The following TLR1 variants were observed in gnomAD, a reference collection of about 807,000 sequenced individuals.
TLR1 encodes toll-like receptor 1.
In TLR1, 19 loss-of-function variants were observed where a neutral mutation model predicts 20.2. The ratio of observed to expected loss-of-function variants is 0.94; its 90% CI spans 0.66 to 1.38. The LOEUF (loss-of-function observed/expected upper bound fraction) is 1.38. TLR1 is among the 40% of genes most tolerant of loss of function. The pLI, the probability that TLR1 is intolerant of heterozygous loss-of-function variation, is 0.00. For synonymous variants in TLR1, 320 were observed against 334.5 expected (o/e 0.96, Z 0.47); for missense variants, 921 against 910.0 (o/e 1.01, Z -0.16).
At chr4:38,788,070 T>C (rs1725646503), downstream of TLR1, among the ~76,000 whole-genome samples, 2 of 152,246 alleles carry the variant, frequency 1.3e-5, no homozygotes, top group South Asian at 2.1e-4. Flanking sequence ...AAGGAATATG[T>C]GTATCTATTA....
In TLR1 at chr4:38,798,721, G is replaced by C. The variant is rs760321849; in HGVS notation, c.111C>G (p.Ile37Met). Residue 37 changes from isoleucine to methionine, a missense_variant, in exon 4 of 4, where the codon ATC becomes ATG. Physicochemically the swap from Ile to Met is conservative, Grantham distance 10. Transcript: ENST00000308979. ...TCTGGGATAGGTCTTTAGGAACGTG[G>C]ATGAGACCGTTTTTTGACCTATCAA... ...FLVDRSKNGL[I>M]HVPKDLSQKT... 8 of 1,613,598 alleles carry C rather than the reference G, an allele frequency of 5.0e-6. No homozygotes were observed. The highest frequency in any genetic ancestry group is 5.9e-6 in the Non-Finnish European group (7 of 1,179,934).
In TLR1 at chr4:38,798,660, A is replaced by ATATATAATTT; in HGVS notation, c.162_171dup (p.Ser58LysfsTer5). On this transcript the variant is annotated frameshift_variant, in exon 4 of 4. Coordinates refer to ENST00000308979, the MANE Select transcript of TLR1 (RefSeq NM_003263.4). LOFTEE classifies it low-confidence loss of function (END_TRUNC). ...AAGATGTCAGAAGTCCAAAGCTCAG[A>ATATATAATTT]TATATAATTTTGCGATATATTTAAG... is the stretch of plus-strand genomic sequence containing the variant. The ATATATAATTT allele has an allele frequency of 6.2e-7, 1 of 1,614,010 alleles. No individual in the cohort carries two copies. The highest frequency in any genetic ancestry group is 8.5e-7 in the Non-Finnish European group (1 of 1,179,918).
rs548153089 is a variant in TLR1, at chr4:38,798,966, G to C, written c.-67-68C>G. 6.1e-6 allele frequency: 5 copies of C among 816,660 alleles called. No individual in the cohort carries two copies. In the African/African-American group the frequency reaches 8.8e-5, roughly 14 times the overall value. 50.6% of individuals were successfully genotyped at this position (816,660 alleles called of 1,614,324 possible). ...TTTTAAAATACACGAAATTAGTCAT[G>C]GCTGACATTAAACTTTTTTTTGTTA... On this transcript the variant is annotated intron_variant, in intron 3 of 3. Transcript: ENST00000308979.
chr4:38,801,558 C>T (rs1476483431), intron 2 of TLR1, among the ~76,000 whole-genome samples: 2 of 152,164 alleles, frequency 1.3e-5, no homozygotes, highest in Non-Finnish European at 2.9e-5. Flanking sequence ...CCTGCTTATT[C>T]CTATGCCTGA....
At chr4:38,790,042 T>C (rs1446203688), downstream of TLR1, among the ~76,000 whole-genome samples, 1 of 152,236 alleles carries the variant, frequency 6.6e-6, no homozygotes, top group East Asian at 1.9e-4. Context: ...AAATGTAATA[T>C]AATGAAATCT....
intron 2 of TLR1, 59 bp downstream of exon 2, chr4:38,804,247 C>A (rs1414225198): frequency 6.6e-6 from 1 of 152,180 alleles, no homozygotes; most frequent in Non-Finnish European, 1.5e-5. Context: ...GTGTTAGTGG[C>A]CTGAGAAACA....
intron 2 of TLR1, among the ~76,000 whole-genome samples, chr4:38,803,131 G>A (rs759722678): frequency 2.0e-5 from 3 of 152,194 alleles, no homozygotes; most frequent in Admixed American, 6.5e-5. Context: ...AGGACAAGGC[G>A]GACAGTCTGA....
chr4:38,796,598 T>C lies in TLR1; in HGVS notation c.2234A>G (p.Lys745Arg). 1 of 1,614,190 alleles carries C rather than the reference T, an allele frequency of 6.2e-7. No homozygotes were observed. The highest frequency in any genetic ancestry group is 2.2e-5 in the East Asian group (1 of 44,886). The change falls in exon 4 of 4, where the codon AAG (lysine) becomes AGG (arginine). Residue 745 changes from lysine to arginine, a missense_variant. Transcript: ENST00000308979. ...PQYSIPSSYHKLKSLMARRTY... is the reference protein window; with the variant it reads ...PQYSIPSSYHRLKSLMARRTY... The stretch of plus-strand genomic sequence containing the variant: ...CCTCCTGGCCATGAGACTTTTGAGC[T>C]TGTGATAACTGCTAGGAATGGAGTA...
At chr4:38,794,975 G>A (rs906824639), downstream of TLR1, among the ~76,000 whole-genome samples, 7 of 152,124 alleles carry the variant, frequency 4.6e-5, no homozygotes, top group African/African-American at 1.7e-4. Context: ...AGCGATCTCA[G>A]GACTCAAGAG....
At chr4:38,800,232 G>A (rs550255366) in intron 3 of TLR1, among the ~76,000 whole-genome samples, 4 of 152,236 alleles carry the variant, frequency 2.6e-5, no homozygotes, top group South Asian at 2.1e-4. Flanking sequence ...GAGAAGGAAC[G>A]GGAAGGTCAA....
chr4:38,794,798 T>G (rs1400635896), downstream of TLR1, among the ~76,000 whole-genome samples: 1 of 152,196 alleles, frequency 6.6e-6, no homozygotes, highest in African/African-American at 2.4e-5. Flanking sequence ...GCCAAGAAGC[T>G]AATAGATATG....
At chr4:38,801,912 C>G (rs1223503177) in intron 2 of TLR1, among the ~76,000 whole-genome samples, 1 of 152,176 alleles carries the variant, frequency 6.6e-6, no homozygotes, top group African/African-American at 2.4e-5. Context: ...AACAGTCTCT[C>G]TAAGCCGGGG....
chr4:38,796,905 A>C lies in TLR1; in HGVS notation c.1927T>G (p.Tyr643Asp). Residue 643 changes from tyrosine to aspartate, a missense_variant, in exon 4 of 4, where the codon TAT (tyrosine) becomes GAT (aspartate). Coordinates refer to ENST00000308979, the MANE Select transcript of TLR1 (RefSeq NM_003263.4). The stretch of plus-strand genomic sequence containing the variant: ...ACCCAGAAAGAATCGTGCCCACTAT[A>C]TGAAATAAATGCATGAAACTGGAGA... Reference protein sequence around the residue: ...RNLQFHAFISYSGHDSFWVKN... With the variant: ...RNLQFHAFISDSGHDSFWVKN... The C allele has an allele frequency of 6.2e-7, 1 of 1,614,214 alleles. No individual in the cohort carries two copies. Among genetic ancestry groups the C allele is most frequent in the Non-Finnish European group, 8.5e-7 (1 of 1,180,050 alleles).
chr4:38,788,251 A>G (rs906972825), downstream of TLR1, among the ~76,000 whole-genome samples: 4 of 152,204 alleles, frequency 2.6e-5, no homozygotes, highest in African/African-American at 7.2e-5. Flanking sequence ...AAGGCAAAGA[A>G]CAAGAGAGAA....
chr4:38,797,255 A>C lies in TLR1; in HGVS notation c.1577T>G (p.Phe526Cys), dbSNP rs201271982. 2 of 1,614,212 alleles carry C rather than the reference A, an allele frequency of 1.2e-6. No individual in the cohort carries two copies. The highest frequency in any genetic ancestry group is 1.7e-6 in the Non-Finnish European group (2 of 1,180,036). ...MRSIKAGDNP[F>C]QCTCELGEFV... ...TTCTCCTAGCTCACAGGTACATTGG[A>C]ATGGATTGTCCCCTGCTTTTATTGA... The change falls in exon 4 of 4, where the codon TTC becomes TGC. Residue 526 changes from phenylalanine (F) to cysteine (C), a missense_variant. By Grantham distance (205) the Phe-to-Cys change is radical (BLOSUM62 -2). Coordinates refer to ENST00000308979, the MANE Select transcript of TLR1 (RefSeq NM_003263.4).
Position 38,802,768 on chromosome 4 carries a change from C to T in TLR1, c.-160+1538G>A, listed in dbSNP as rs116437625. On this transcript the variant is annotated intron_variant, in intron 2 of 3. Coordinates refer to ENST00000308979, the MANE Select transcript of TLR1 (RefSeq NM_003263.4). ...AGGCCAAGGTAAACATCCAGAGTGA[C>T]TCAGCGAGTTTAGAGCGCAGGCGTA... Among the ~76,000 whole-genome samples the T allele has an allele frequency of 8.8e-3, 1,343 of 152,312 alleles. 19 individuals are homozygous for T. The highest frequency in any genetic ancestry group is 0.031 in the African/African-American group (1,277 of 41,562).
chr4:38,790,113 G>A (rs1301030712), downstream of TLR1, among the ~76,000 whole-genome samples: 1 of 152,176 alleles, frequency 6.6e-6, no homozygotes, highest in African/African-American at 2.4e-5. Context: ...GCATGCATTG[G>A]ATTTCTGCAG....
rs1382197115 is a variant in TLR1 at position 38,796,447 on chromosome 4, A to T, written c.*24T>A. On this transcript the variant is annotated 3_prime_UTR_variant, in exon 4 of 4. Transcript: ENST00000308979. ...CAAAAGCAGCAATATCAACAGGAGGAATATTTTTCACTTGATGTGTAATCT... is the reference window on the plus strand; with the variant it reads ...CAAAAGCAGCAATATCAACAGGAGGTATATTTTTCACTTGATGTGTAATCT... The T allele has an allele frequency of 5.0e-6, 8 of 1,594,454 alleles. No individual in the cohort carries two copies. Among genetic ancestry groups the T allele is most frequent in the Admixed American group, 1.7e-5 (1 of 58,310 alleles).
At position 38,801,309 on chromosome 4, in the gene TLR1, A is replaced by C. The variant is rs1411761974; in HGVS notation, c.-159-361T>G. Among the ~76,000 whole-genome samples the C allele has an allele frequency of 2.0e-5, 3 of 152,328 alleles. No homozygotes were observed. The East Asian group carries it at 5.8e-4, about 29-fold the overall frequency. ...TCTGCCATATGAAAATACAAGAAGG[A>C]GGCATCCGCAAACCAGAAGAGGGCC... On this transcript the variant is annotated intron_variant, in intron 2 of 3. Coordinates refer to ENST00000308979, the MANE Select transcript of TLR1 (RefSeq NM_003263.4).
Sources: allele counts gnomAD v4.1 joint callset (sites outside exome capture counted in the v4.1 genomes callset), GRCh38; gene constraint gnomAD v4.1.1; transcripts MANE v1.5; gene names NCBI Gene and HGNC (gene_info 2026-07-23, HGNC 2026-07-21).